RFT1: variants seen among roughly 807,000 people sequenced by gnomAD.
RFT1 encodes RFT1 glycolipid translocator homolog, also known as man(5)GlcNAc(2)-PP-dolichol translocation protein RFT1.
Under a neutral mutation model 62.2 loss-of-function variants are expected in RFT1, and 43 were observed. The observed-to-expected ratio is 0.69, with a 90% confidence interval of 0.54 to 0.89. RFT1 has a LOEUF of 0.89. RFT1 is among the 40% of genes least tolerant of loss of function. The pLI, the probability that RFT1 is intolerant of heterozygous loss-of-function variation, is 0.00. For synonymous variants in RFT1, 262 were observed against 264.6 expected (o/e 0.99, Z 0.10); for missense variants, 605 against 649.9 (o/e 0.93, Z 0.75).
At chr3:53,079,290 G>A in the RFT1 span, among the ~76,000 whole-genome samples, 2 of 152,142 alleles carry the variant, frequency 1.3e-5, no homozygotes, top group African/African-American at 2.4e-5. Flanking sequence ...ACTCAGATAT[G>A]ACCCACACCC....
intron 7 of RFT1, among the ~76,000 whole-genome samples, chr3:53,109,040 C>A (rs1480987136): frequency 6.6e-6 from 1 of 152,120 alleles, no homozygotes; most frequent in African/African-American, 2.4e-5. Context: ...TATACACTGA[C>A]CCCAAGCTAT....
downstream of RFT1, among the ~76,000 whole-genome samples, chr3:53,087,260 A>G (rs4687701): frequency 0.49 from 73,754 of 151,974 alleles, 19,783 homozygotes; most frequent in East Asian, 0.73. Context: ...TATGTGAAGG[A>G]TATCCCCTGT....
At chr3:53,078,427 A>T in the RFT1 span, among the ~76,000 whole-genome samples, 2 of 152,344 alleles carry the variant, frequency 1.3e-5, no homozygotes, top group South Asian at 4.1e-4. Flanking sequence ...AAAATCACTT[A>T]TCAGGAAAAA....
At chr3:53,085,743 A>C (rs558885132), downstream of RFT1, 4 of 152,344 alleles carry the variant, frequency 2.6e-5, no homozygotes, top group African/African-American at 9.6e-5. Flanking sequence ...TAATTCGCAC[A>C]TCTCACCTCC....
At chr3:53,084,800 A>T (rs1700824044), downstream of RFT1, among the ~76,000 whole-genome samples, 1 of 152,178 alleles carries the variant, frequency 6.6e-6, no homozygotes, top group African/African-American at 2.4e-5. Context: ...GGACACATTT[A>T]TTGGAGGGAG....
intron 8 of RFT1, among the ~76,000 whole-genome samples, chr3:53,106,304 C>T (rs1480039666): frequency 1.3e-5 from 2 of 151,912 alleles, no homozygotes; most frequent in East Asian, 3.8e-4. Flanking sequence ...TACCCTTTAC[C>T]CAGTGGTAAC....
chr3:53,098,573 C>G (rs140346251), intron 11 of RFT1, among the ~76,000 whole-genome samples: 1 of 152,000 alleles, frequency 6.6e-6, no homozygotes, highest in Non-Finnish European at 1.5e-5. Context: ...GAGGCCAAGG[C>G]GGGAGAATCA....
downstream of RFT1, among the ~76,000 whole-genome samples, chr3:53,086,163 T>C (rs1279054649): frequency 2.0e-5 from 3 of 152,204 alleles, no homozygotes; most frequent in African/African-American, 7.2e-5. Flanking sequence ...AAGTAAATAA[T>C]AGTGAAGCAA....
chr3:53,068,062 G>A, the RFT1 span, among the ~76,000 whole-genome samples: 3 of 152,210 alleles, frequency 2.0e-5, no homozygotes, highest in African/African-American at 7.2e-5. Context: ...CCTGGCAGGA[G>A]TGGGACCAGA....
chr3:53,130,345 A>T lies in RFT1; in HGVS notation c.56T>A (p.Leu19His). The T allele has an allele frequency of 1.3e-6, 2 of 1,568,424 alleles. No homozygotes were observed. The highest frequency in any genetic ancestry group is 8.6e-7 in the Non-Finnish European group (1 of 1,157,168). ...CTGAAGGGCAGAGAGTACCTGCAGG[A>T]GGAGACCGGAGGAGGCCAGCCGGGC... ...HAARLASSGL[L>H]LQVLFRLITF... Residue 19 changes from leucine to histidine, a missense_variant, in exon 1 of 13, where the codon CTC (leucine) becomes CAC (histidine). Transcript: ENST00000296292.
intron 11 of RFT1, 58 bp from the exon 12 acceptor site, chr3:53,092,676 C>T (rs976670481): frequency 3.8e-6 from 6 of 1,562,804 alleles, no homozygotes. Flanking sequence ...CAAGGCTGCT[C>T]CCAAAACAGC....
intron 7 of RFT1, among the ~76,000 whole-genome samples, chr3:53,110,674 C>A (rs1327784206): frequency 2.6e-5 from 4 of 151,976 alleles, no homozygotes; most frequent in African/African-American, 9.7e-5. Flanking sequence ...AATAAAATAA[C>A]AAGATAATAA....
At chr3:53,105,892 T>A in intron 8 of RFT1, 89 bp from the exon 9 acceptor site, 1 of 1,214,708 alleles carries the variant, frequency 8.2e-7, no homozygotes, top group Non-Finnish European at 1.1e-6. Flanking sequence ...ATATTTTCAT[T>A]AAAGTTTGTT....
intron 9 of RFT1, among the ~76,000 whole-genome samples, chr3:53,104,946 A>C (rs1449471487): frequency 2.0e-5 from 3 of 152,232 alleles, no homozygotes; most frequent in African/African-American, 7.2e-5. Flanking sequence ...GAAAGCCAAC[A>C]ACCACTTCCT....
chr3:53,094,329 G>A (rs1480579584), intron 11 of RFT1, among the ~76,000 whole-genome samples: 2 of 148,742 alleles, frequency 1.3e-5, no homozygotes, highest in African/African-American at 5.0e-5. Context: ...CTTTATCAAA[G>A]TGGGTGGTAA....
chr3:53,082,836 G>A, the RFT1 span, among the ~76,000 whole-genome samples: 1 of 152,280 alleles, frequency 6.6e-6, no homozygotes, highest in South Asian at 2.1e-4. Context: ...AGGCATGGAC[G>A]CAACATGCTG....
In RFT1 at chr3:53,111,908, C is replaced by T. The variant is rs767176332; in HGVS notation, c.697G>A (p.Ala233Thr). 1.2e-6 allele frequency: 2 copies of T among 1,612,244 alleles called. No individual in the cohort carries two copies. Among genetic ancestry groups the T allele is most frequent in the Non-Finnish European group, 1.7e-6 (2 of 1,179,018 alleles). The change falls in exon 7 of 13, where the codon GCG (alanine) becomes ACG (threonine). Residue 233 changes from alanine (A) to threonine (T), a missense_variant and splice_region_variant. Physicochemically the swap from Ala to Thr is moderately conservative, Grantham distance 58. Coordinates refer to ENST00000296292, the MANE Select transcript of RFT1 (RefSeq NM_052859.4). ...TTAGCCTCTTTCCAGTTTATAAACG[C>T]CTAGAAGAGAAAACAAAACAAAACA... Reference protein sequence around the residue: ...DLLPNITRNGAFINWKEAKLT... With the variant: ...DLLPNITRNGTFINWKEAKLT...
intron 6 of RFT1, among the ~76,000 whole-genome samples, chr3:53,115,079 T>A (rs997088851): frequency 6.6e-6 from 1 of 151,942 alleles, no homozygotes; most frequent in Non-Finnish European, 1.5e-5. Flanking sequence ...TCATCCATCC[T>A]CCCCCTGTCC....
chr3:53,086,311 T>C (rs1214314630), downstream of RFT1, among the ~76,000 whole-genome samples: 1 of 152,106 alleles, frequency 6.6e-6, no homozygotes, highest in Non-Finnish European at 1.5e-5. Flanking sequence ...GTTGCTTTTT[T>C]TTCTTTTTTA....
Sources: allele counts gnomAD v4.1 joint callset (sites outside exome capture counted in the v4.1 genomes callset), GRCh38; gene constraint gnomAD v4.1.1; transcripts MANE v1.5; gene names NCBI Gene and HGNC (gene_info 2026-07-23, HGNC 2026-07-21).